The following GRAMD4 variants were observed in gnomAD, a reference collection of about 807,000 sequenced individuals.
The protein encoded by GRAMD4 is GRAM domain containing 4.
In GRAMD4, 25 loss-of-function variants were observed where a neutral mutation model predicts 83.9. The ratio of observed to expected loss-of-function variants is 0.30; its 90% CI spans 0.22 to 0.42. The LOEUF (loss-of-function observed/expected upper bound fraction) is 0.42. Among genes scored for constraint, GRAMD4 ranks in the 10% least tolerant of loss-of-function variants. The pLI is 1.00. For missense variants in GRAMD4, 593 were observed against 788.7 expected (o/e 0.75, Z 2.97); for synonymous variants, 336 against 320.9 (o/e 1.05, Z -0.50).
chr22:46,615,491 G>A (rs1208075850), upstream of GRAMD4, among the ~76,000 whole-genome samples: 3 of 137,646 alleles, frequency 2.2e-5, no homozygotes, highest in African/African-American at 2.8e-5. Flanking sequence ...AGGTTCCCCC[G>A]TGTGTGCGGG....
rs1001976643 is a variant in GRAMD4 at position 46,662,925 on chromosome 22, C to G, written c.467-115C>G. The stretch of plus-strand genomic sequence containing the variant: ...ACCTACCCCCGAGCATTCCTTGTGC[C>G]TCTGCTGGCCGCGCCCTTGCAGTGA... On this transcript the variant is annotated intron_variant, in intron 5 of 18. Transcript: ENST00000406902. 1.1e-4 allele frequency: 101 copies of G among 942,802 alleles called. 1 individual carries two copies. The highest frequency in any genetic ancestry group is 3.0e-4 in the Admixed American group (12 of 40,190). 58.4% of individuals were successfully genotyped at this position (942,802 alleles called of 1,614,324 possible).
downstream of GRAMD4, among the ~76,000 whole-genome samples, chr22:46,680,569 T>TCCAC (rs1569313328): frequency 2.3e-4 from 27 of 117,436 alleles, no homozygotes; most frequent in South Asian, 5.0e-4. Context: ...CGTCCGTCCA[T>TCCAC]CCATCCATCC....
rs960095976 is a variant in GRAMD4, at chr22:46,621,387, C to T, written c.-50+822C>T. 7.9e-5 allele frequency among the ~76,000 whole-genome samples: 12 copies of T among 152,222 alleles called. No homozygotes were observed. Among genetic ancestry groups the T allele is most frequent in the Non-Finnish European group, 1.5e-5 (1 of 68,024 alleles). ...CAGATGTCACTGAGATGAAGTCACCCTGGTGTACAGTGGAGCACTCTTCAG... is the reference window on the plus strand; with the variant it reads ...CAGATGTCACTGAGATGAAGTCACCTTGGTGTACAGTGGAGCACTCTTCAG... On this transcript the variant is annotated intron_variant, in intron 1 of 18. Coordinates refer to ENST00000406902, the MANE Select transcript of GRAMD4 (RefSeq NM_015124.5). The surrounding 1 kb of genome is among the most constrained non-coding windows in gnomAD (Gnocchi z 5.8).
chr22:46,611,013 G>A (rs962022313), intron 1 of GRAMD4, among the ~76,000 whole-genome samples: 1 of 151,998 alleles, frequency 6.6e-6, no homozygotes, highest in African/African-American at 2.4e-5. Context: ...TCAGCAGTTC[G>A]AGACCAGCCT....
chr22:46,603,934 T>G (rs1265100700), intron 1 of GRAMD4, among the ~76,000 whole-genome samples: 1 of 152,214 alleles, frequency 6.6e-6, no homozygotes, highest in African/African-American at 2.4e-5. Context: ...TTGTTCTGCA[T>G]TCAAACCTTT....
At chr22:46,587,914 C>T (rs2081167016) in intron 1 of GRAMD4, 2 of 985,344 alleles carry the variant, frequency 2.0e-6, no homozygotes, top group Non-Finnish European at 2.4e-6. Context: ...TCCTGATCCT[C>T]CCCGTCTGGG....
chr22:46,628,446 C>T (rs2081706346), intron 2 of GRAMD4, among the ~76,000 whole-genome samples: 2 of 143,820 alleles, frequency 1.4e-5, no homozygotes, highest in Admixed American at 1.4e-4. Flanking sequence ...GGCGGGTGGA[C>T]TGAGTGTGTG....
At chr22:46,617,448 C>A (rs1049311739), upstream of GRAMD4, among the ~76,000 whole-genome samples, 4 of 134,008 alleles carry the variant, frequency 3.0e-5, no homozygotes, top group South Asian at 9.7e-4. Flanking sequence ...AGGTTCCCCC[C>A]ATACGTGTAG....
At chr22:46,577,272 G>T (rs1428673677) in exon 1 of GRAMD4, 1 of 979,510 alleles carries the variant, frequency 1.0e-6, no homozygotes, top group Non-Finnish European at 1.2e-6. Flanking sequence ...ATGAGAGTTG[G>T]CCCCGATATC....
At chr22:46,632,563 A>G (rs906552914) in intron 2 of GRAMD4, among the ~76,000 whole-genome samples, 18 of 152,236 alleles carry the variant, frequency 1.2e-4, no homozygotes, top group Non-Finnish European at 2.4e-4. Context: ...GCTCCTCTGT[A>G]GGTCTGAGAA....
chr22:46,609,102 C>G (rs56067001), intron 1 of GRAMD4, among the ~76,000 whole-genome samples: 1,544 of 126,998 alleles, frequency 0.012, 22 homozygotes, highest in African/African-American at 0.048. Flanking sequence ...GACCTTGTCT[C>G]TAAAAAAAAA....
chr22:46,673,558 G>A (rs915663983), intron 14 of GRAMD4, 112 bp from the exon 15 acceptor site: 30 of 1,346,252 alleles, frequency 2.2e-5, no homozygotes, highest in South Asian at 1.2e-4. Context: ...CCTCGGGAAC[G>A]TCTTCCCAAA....
At chr22:46,617,538 C>T (rs571438885), upstream of GRAMD4, among the ~76,000 whole-genome samples, 6 of 151,662 alleles carry the variant, frequency 4.0e-5, no homozygotes, top group Admixed American at 2.6e-4. Flanking sequence ...TTCCCTTGTG[C>T]GTGTAGGTTC....
intron 1 of GRAMD4, among the ~76,000 whole-genome samples, chr22:46,624,921 C>G (rs905976895): frequency 6.8e-6 from 1 of 146,508 alleles, no homozygotes; most frequent in Non-Finnish European, 1.5e-5. Context: ...AGTGCAGTGG[C>G]GGGATCTCAG....
chr22:46,680,563 C>T (rs1046623475), downstream of GRAMD4, among the ~76,000 whole-genome samples: 7 of 146,380 alleles, frequency 4.8e-5, no homozygotes, highest in Non-Finnish European at 7.5e-5. Context: ...TCCGTCCGTC[C>T]GTCCATCCAT....
intron 2 of GRAMD4, among the ~76,000 whole-genome samples, chr22:46,629,523 G>A (rs920185614): frequency 4.6e-5 from 7 of 152,098 alleles, no homozygotes; most frequent in African/African-American, 7.2e-5. Context: ...GCTGTGCAGC[G>A]TTGCCCTGCT....
rs1321319200 is a variant in GRAMD4 at position 46,679,647 on chromosome 22, A to C, written c.*2396A>C. The C allele has an allele frequency of 5.1e-6, 5 of 983,430 alleles. No individual in the cohort carries two copies. The highest frequency in any genetic ancestry group is 6.0e-6 in the Non-Finnish European group (5 of 827,880). 60.9% of individuals were successfully genotyped at this position (983,430 alleles called of 1,614,324 possible). A position where few individuals can be genotyped will look rare whatever the true frequency, so the allele number is the denominator to read the frequency against. The stretch of plus-strand genomic sequence containing the variant: ...ATTGCCAGTGTGACTTTTGTTCAAC[A>C]AAAGGATTGTACTGTATTAAGAACC... On this transcript the variant is annotated 3_prime_UTR_variant, in exon 19 of 19. Coordinates refer to ENST00000406902, the MANE Select transcript of GRAMD4 (RefSeq NM_015124.5).
chr22:46,636,783 C>T (rs1304570454), intron 2 of GRAMD4, among the ~76,000 whole-genome samples: 2 of 152,220 alleles, frequency 1.3e-5, no homozygotes, highest in East Asian at 1.9e-4. Context: ...CCGGGCATGG[C>T]CCCTGCTTTC....
At chr22:46,669,491 C>G (rs1371369036) in intron 13 of GRAMD4, among the ~76,000 whole-genome samples, 1 of 151,968 alleles carries the variant, frequency 6.6e-6, no homozygotes, top group Non-Finnish European at 1.5e-5. Flanking sequence ...CCAGCATGCT[C>G]TCTTCCCTCC....
Sources: allele counts gnomAD v4.1 joint callset (sites outside exome capture counted in the v4.1 genomes callset), GRCh38; gene constraint gnomAD v4.1.1; non-coding constraint Gnocchi (gnomAD v3.1); transcripts MANE v1.5; gene names NCBI Gene and HGNC (gene_info 2026-07-23, HGNC 2026-07-21).